Variants in U2SURP observed in about 807,000 individuals in gnomAD.
U2SURP encodes U2 snRNP associated SURP domain containing.
A neutral mutation model predicts 144.9 loss-of-function variants in U2SURP; 9 were observed. The observed-to-expected ratio is 0.06, with a 90% CI of 0.04 to 0.11. The LOEUF (loss-of-function observed/expected upper bound fraction) is 0.11. Among genes scored for constraint, U2SURP ranks in the 10% least tolerant of loss-of-function variants. The probability of loss-of-function intolerance (pLI) is 1.00; values close to 1 mark genes in which losing one functional copy is unlikely to be tolerated. For missense variants in U2SURP, 724 were observed against 1,226.7 expected (o/e 0.59, Z 6.12); for synonymous variants, 408 against 396.8 (o/e 1.03, Z -0.33).
chr3:143,052,558 A>G (rs772588069), intron 25 of U2SURP, among the ~76,000 whole-genome samples: 91 of 152,288 alleles, frequency 6.0e-4, no homozygotes, highest in Non-Finnish European at 1.0e-3. Context: ...TCCTTGCCTG[A>G]TTCTGTAAAT....
intron 16 of U2SURP, 47 bp from the exon 17 acceptor site, chr3:143,032,737 T>C: frequency 1.3e-6 from 2 of 1,516,362 alleles, no homozygotes; most frequent in South Asian, 1.2e-5. Flanking sequence ...ACAATGGCAT[T>C]TGAAATTGTA....
intron 20 of U2SURP, among the ~76,000 whole-genome samples, 160 bp downstream of exon 20, chr3:143,036,264 C>A (rs1933803191): frequency 6.6e-6 from 1 of 151,956 alleles, no homozygotes; most frequent in Non-Finnish European, 1.5e-5. Flanking sequence ...ACCCAGAAGT[C>A]AAAATTACAT....
rs1319889746 is a variant in U2SURP, at chr3:143,056,657, T to C, written c.*207T>C. The stretch of plus-strand genomic sequence containing the variant: ...GTGTAAATTACTTTCATTGTGGCTA[T>C]TTCTCAAGATGAAATTTTTATTGTT... On this transcript the variant is annotated 3_prime_UTR_variant, in exon 28 of 28. Transcript: ENST00000473835. The C allele has an allele frequency of 5.3e-5, 27 of 509,514 alleles. No individual in the cohort carries two copies. The highest frequency in any genetic ancestry group is 9.1e-5 in the Non-Finnish European group (27 of 296,834). The allele number at this position is 509,514 out of a possible 1,614,324, so 31.6% of individuals were successfully genotyped here. A position where few individuals can be genotyped will look rare whatever the true frequency, so the allele number is the denominator to read the frequency against.
At chr3:143,021,726 C>A (rs1475250085) in intron 10 of U2SURP, 171 bp downstream of exon 10, 4 of 633,632 alleles carry the variant, frequency 6.3e-6, no homozygotes, top group Non-Finnish European at 8.2e-6. Context: ...ATTCTTGTTT[C>A]CTCTTTCAGT....
At position 143,050,343 on chromosome 3, in the gene U2SURP, G is replaced by A. The variant is rs546889752; in HGVS notation, c.2545-596G>A. ...CCACCTCGGCCTCCCAAAGTGCTGGGATTACAGGCGTGAGCCACTGCGCCC... is the reference window on the plus strand; with the variant it reads ...CCACCTCGGCCTCCCAAAGTGCTGGAATTACAGGCGTGAGCCACTGCGCCC... On this transcript the variant is annotated intron_variant, in intron 24 of 27. Coordinates refer to ENST00000473835, the MANE Select transcript of U2SURP (RefSeq NM_001080415.2). Among the ~76,000 whole-genome samples, 4 of 152,320 alleles carry A rather than the reference G, an allele frequency of 2.6e-5. No homozygotes were observed. The East Asian group carries it at 7.7e-4, about 29-fold the overall frequency.
rs1470132115 is a variant in U2SURP at position 143,058,003 on chromosome 3, AT to A, written c.*1555del. The A allele has an allele frequency of 6.6e-6, 1 of 152,274 alleles. No homozygotes were observed. The highest frequency in any genetic ancestry group is 2.4e-5 in the African/African-American group (1 of 41,410). 9.4% of individuals were successfully genotyped at this position (152,274 alleles called of 1,614,324 possible). A position where few individuals can be genotyped will look rare whatever the true frequency, so the allele number is the denominator to read the frequency against. Reference sequence around the variant, plus strand: ...AATATTGCTTGAAAGTTATTTCCTTATTCACTGTTTTGTTAGTCCATTTTGT... The same window carrying A: ...AATATTGCTTGAAAGTTATTTCCTTATCACTGTTTTGTTAGTCCATTTTGT... On this transcript the variant is annotated 3_prime_UTR_variant, in exon 28 of 28. Coordinates refer to ENST00000473835, the MANE Select transcript of U2SURP (RefSeq NM_001080415.2).
At chr3:143,006,458 T>A (rs571035509) in intron 1 of U2SURP, among the ~76,000 whole-genome samples, 50 of 152,226 alleles carry the variant, frequency 3.3e-4, no homozygotes, top group African/African-American at 1.2e-3. Flanking sequence ...TAAATAAGAA[T>A]GTACCCATTT....
At position 143,038,202 on chromosome 3, in the gene U2SURP, G is replaced by A. The variant is rs1933913286; in HGVS notation, c.2316G>A (p.Gln772=). 6.3e-7 allele frequency: 1 copy of A among 1,594,700 alleles called. No homozygotes were observed. The highest frequency in any genetic ancestry group is 8.5e-7 in the Non-Finnish European group (1 of 1,171,348). The change falls in exon 22 of 28, where the codon CAG becomes CAA. Residue 772 remains glutamine (Q), a splice_region_variant and synonymous_variant. Coordinates refer to ENST00000473835, the MANE Select transcript of U2SURP (RefSeq NM_001080415.2). ...TGGATGAATCTGAATTGGAAGCACA[G>A]GGTGAGTAAAAGTAAAATAAATATT... ...EAVDESELEA[Q]AVTTSKWELF...
chr3:143,056,334 C>G lies in U2SURP; in HGVS notation c.2974C>G (p.Pro992Ala). 1 of 1,608,344 alleles carries G rather than the reference C, an allele frequency of 6.2e-7. No individual in the cohort carries two copies. The change falls in exon 28 of 28, where the codon CCT (proline) becomes GCT (alanine). Residue 992 changes from proline to alanine, a missense_variant. Physicochemically the swap from Pro to Ala is conservative, Grantham distance 27. Transcript: ENST00000473835. The stretch of plus-strand genomic sequence containing the variant: ...TAGATCACCATCTGGTTCAAGGACA[C>G]CTAAAAGGTCTAGGCGATCACGGTC... ...AKRSPSGSRT[P>A]KRSRRSRSRS...
chr3:143,034,577 T>TTC, intron 18 of U2SURP: 1 of 173,464 alleles, frequency 5.8e-6, no homozygotes, highest in Non-Finnish European at 1.2e-5. Context: ...CGAGTCACTT[T>TTC]TCTAAGTTTT....
intron 13 of U2SURP, 152 bp from the exon 14 acceptor site, chr3:143,026,997 T>C (rs1933191263): frequency 1.7e-6 from 1 of 606,048 alleles, no homozygotes; most frequent in Non-Finnish European, 2.9e-6. Context: ...CACAAGGCAT[T>C]AACATATGCT....
At chr3:143,007,799 G>A (rs1433436214) in intron 1 of U2SURP, among the ~76,000 whole-genome samples, 3 of 152,144 alleles carry the variant, frequency 2.0e-5, no homozygotes, top group Non-Finnish European at 4.4e-5. Context: ...AAAATAAAAA[G>A]CCAAACTCAA....
chr3:143,015,559 T>G (rs1936331275), intron 4 of U2SURP, among the ~76,000 whole-genome samples: 1 of 152,120 alleles, frequency 6.6e-6, no homozygotes, highest in South Asian at 2.1e-4. Context: ...GTGTCAAGAA[T>G]AGATTAATTT....
chr3:143,053,042 A>G (rs997717859), intron 25 of U2SURP, among the ~76,000 whole-genome samples: 4 of 147,952 alleles, frequency 2.7e-5, no homozygotes, highest in African/African-American at 1.0e-4. Context: ...CTTGTTTCCC[A>G]CTAATAAAAC....
At chr3:143,049,265 C>CAAAAAAAA (rs200930787) in intron 24 of U2SURP, among the ~76,000 whole-genome samples, 15 of 81,496 alleles carry the variant, frequency 1.8e-4, no homozygotes, top group South Asian at 4.2e-4. Context: ...GACTCCATCT[C>CAAAAAAAA]AAAAAAAAAA....
At chr3:143,026,859 CT>C in intron 13 of U2SURP, 1 of 200,274 alleles carries the variant, frequency 5.0e-6, no homozygotes, top group African/African-American at 2.3e-5. Context: ...TAATGTTTTA[CT>C]TTTGGAAAAT....
At chr3:143,004,638 T>C (rs1935743007) in intron 1 of U2SURP, among the ~76,000 whole-genome samples, 1 of 141,712 alleles carries the variant, frequency 7.1e-6, no homozygotes. Flanking sequence ...CGTGCCTGGC[T>C]TCTAGTTTTA....
At chr3:143,024,895 G>GT (rs890639199) in intron 13 of U2SURP, among the ~76,000 whole-genome samples, 1,483 of 145,394 alleles carry the variant, frequency 0.01, 16 homozygotes, top group African/African-American at 0.033. Context: ...TTTTGTTTTT[G>GT]TTTTTTTTTT....
intron 13 of U2SURP, 142 bp from the exon 14 acceptor site, chr3:143,027,007 T>A: frequency 1.6e-6 from 1 of 632,274 alleles, no homozygotes. Flanking sequence ...TAACATATGC[T>A]CCAGGTTACT....
Sources: allele counts gnomAD v4.1 joint callset (sites outside exome capture counted in the v4.1 genomes callset), GRCh38; gene constraint gnomAD v4.1.1; transcripts MANE v1.5; gene names NCBI Gene and HGNC (gene_info 2026-07-23, HGNC 2026-07-21).